The following COL5A2 variants were observed in gnomAD, a reference collection of about 807,000 sequenced individuals.
COL5A2 encodes the protein collagen alpha-2(V) chain.
Under a neutral mutation model 208.2 loss-of-function variants are expected in COL5A2, and 23 were observed. The ratio of observed to expected loss-of-function variants is 0.11; its 90% CI spans 0.08 to 0.16. The LOEUF (loss-of-function observed/expected upper bound fraction) is 0.16. Ranked by LOEUF, COL5A2 falls within the 10% of genes least tolerant of loss-of-function variation. The pLI is 1.00. For missense variants in COL5A2, 1,590 were observed against 1,956.4 expected (o/e 0.81, Z 3.53); for synonymous variants, 625 against 628.5 (o/e 0.99, Z 0.08).
the COL5A2 span, among the ~76,000 whole-genome samples, chr2:189,337,243 C>T: frequency 6.8e-6 from 1 of 146,274 alleles, no homozygotes; most frequent in Non-Finnish European, 1.5e-5. Context: ...AGTGCAGTGG[C>T]GGGATCTCGG....
chr2:189,194,684 A>G (rs543000571), intron 1 of COL5A2, among the ~76,000 whole-genome samples: 1 of 152,190 alleles, frequency 6.6e-6, no homozygotes, highest in Non-Finnish European at 1.5e-5. Flanking sequence ...CTGGATTTCA[A>G]TGGGAATGCT....
the COL5A2 span, among the ~76,000 whole-genome samples, chr2:189,357,433 G>C: frequency 6.6e-6 from 1 of 152,118 alleles, no homozygotes; most frequent in South Asian, 2.1e-4. Context: ...GGAATCTAGA[G>C]AGGCAGTCTG....
chr2:189,271,877 G>C, the COL5A2 span, among the ~76,000 whole-genome samples: 1 of 152,180 alleles, frequency 6.6e-6, no homozygotes, highest in Admixed American at 6.5e-5. Flanking sequence ...CTCAAAAGAA[G>C]ACATTTATGT....
rs1234716349 is a variant in COL5A2, at chr2:189,066,439, G to A, written c.1514C>T (p.Pro505Leu). 5.6e-6 allele frequency: 9 copies of A among 1,614,086 alleles called. No homozygotes were observed. The Admixed American group carries it at 1.3e-4, about 24-fold the overall frequency. Residue 505 changes from proline to leucine, a missense_variant, in exon 23 of 54, where the codon CCC becomes CTC. By Grantham distance (98) the Pro-to-Leu change is moderately conservative. Coordinates refer to ENST00000374866, the MANE Select transcript of COL5A2 (RefSeq NM_000393.5). ...ACCAACTGTTCCTGGGTCACCTCTG[G>A]GACCTCTTTTGCCTTCTTCACCGGG... ...GPPGEEGKRG[P>L]RGDPGTVGPP... is the part of the protein sequence containing the mutation.
chr2:189,411,376 A>G, the COL5A2 span, among the ~76,000 whole-genome samples: 2 of 152,184 alleles, frequency 1.3e-5, no homozygotes, highest in Admixed American at 1.3e-4. Flanking sequence ...TTATTCTAGC[A>G]CAATACCTGA....
the COL5A2 span, among the ~76,000 whole-genome samples, chr2:189,284,319 C>T: frequency 6.6e-6 from 1 of 152,082 alleles, no homozygotes; most frequent in Non-Finnish European, 1.5e-5. Flanking sequence ...CGATCAAGAA[C>T]TACCTAAGAC....
the COL5A2 span, among the ~76,000 whole-genome samples, chr2:189,346,719 G>T: frequency 6.6e-6 from 1 of 152,152 alleles, no homozygotes; most frequent in Non-Finnish European, 1.5e-5. Context: ...GGTTGAATAA[G>T]TAAAGTCACA....
chr2:189,140,429 C>T (rs1485476922), intron 1 of COL5A2, among the ~76,000 whole-genome samples: 2 of 152,066 alleles, frequency 1.3e-5, no homozygotes, highest in Non-Finnish European at 1.5e-5. Context: ...CCTGGAGGCA[C>T]ATTTGGCATT....
At chr2:189,072,842 T>C (rs1300379670) in intron 17 of COL5A2, among the ~76,000 whole-genome samples, 5 of 151,708 alleles carry the variant, frequency 3.3e-5, no homozygotes, top group Non-Finnish European at 5.9e-5. Context: ...TTATGGATAT[T>C]TATATTACCC....
chr2:189,249,525 C>T, the COL5A2 span, among the ~76,000 whole-genome samples: 1 of 152,040 alleles, frequency 6.6e-6, no homozygotes, highest in Non-Finnish European at 1.5e-5. Context: ...CAATTTTATT[C>T]CAGAGTTCCA....
At chr2:189,261,977 A>G in the COL5A2 span, among the ~76,000 whole-genome samples, 1 of 152,178 alleles carries the variant, frequency 6.6e-6, no homozygotes, top group Non-Finnish European at 1.5e-5. Context: ...TAGTTATGGC[A>G]ATCTTGATGA....
intron 52 of COL5A2, among the ~76,000 whole-genome samples, chr2:189,035,980 T>C (rs1325762915): frequency 6.6e-6 from 1 of 152,076 alleles, no homozygotes; most frequent in African/African-American, 2.4e-5. Flanking sequence ...TCAATTGACT[T>C]CATAACATTA....
intron 1 of COL5A2, among the ~76,000 whole-genome samples, chr2:189,178,644 A>G (rs1192481877): frequency 2.0e-5 from 3 of 151,554 alleles, no homozygotes; most frequent in Admixed American, 6.6e-5. Flanking sequence ...CATACCATAT[A>G]ACCCAACTGT....
rs909634945 is a variant in COL5A2, at chr2:189,050,586, C to T, written c.3022G>A (p.Gly1008Ser). ...CTACTCACCGCTGGGCCTGGTAGGC[C>T]GGGCATGCCTCTCTCTCCACGTTGC... Reference protein sequence around the residue: ...PGQRGERGMPGLPGPAGTPGK... With the variant: ...PGQRGERGMPSLPGPAGTPGK... Residue 1008 changes from glycine (G) to serine (S), a missense_variant, in exon 43 of 54, where the codon GGC becomes AGC. Physicochemically the swap from Gly to Ser is moderately conservative, Grantham distance 56. Coordinates refer to ENST00000374866, the MANE Select transcript of COL5A2 (RefSeq NM_000393.5). 1.3e-5 allele frequency: 20 copies of T among 1,551,470 alleles called. 1 individual carries two copies. The highest frequency in any genetic ancestry group is 1.2e-4 in the Admixed American group (6 of 51,014).
At chr2:189,104,357 T>C (rs1576529626) in intron 2 of COL5A2, 80 bp from the exon 3 acceptor site, 3 of 1,003,890 alleles carry the variant, frequency 3.0e-6, no homozygotes, top group Admixed American at 1.7e-5. Context: ...CTTTCAATAA[T>C]AGATTTCTTC....
At chr2:189,080,895 G>A (rs1686519145) in intron 13 of COL5A2, 95 bp downstream of exon 13, 2 of 1,043,150 alleles carry the variant, frequency 1.9e-6, no homozygotes, top group Non-Finnish European at 3.0e-6. Flanking sequence ...AAGGACAATT[G>A]ACAAATTGAC....
intron 17 of COL5A2, among the ~76,000 whole-genome samples, chr2:189,073,796 A>C (rs1345056504): frequency 6.6e-6 from 1 of 152,192 alleles, no homozygotes; most frequent in Non-Finnish European, 1.5e-5. Context: ...AAGTTCAGAA[A>C]ATAACTTTAT....
chr2:189,167,664 A>ATTTTTT (rs71020984), intron 1 of COL5A2, among the ~76,000 whole-genome samples: 5 of 140,132 alleles, frequency 3.6e-5, no homozygotes, highest in African/African-American at 1.3e-4. Flanking sequence ...GAAAGAAGTG[A>ATTTTTT]TTTTTTTTTT....
chr2:189,184,550 C>G (rs74595303), upstream of COL5A2, among the ~76,000 whole-genome samples: 8,881 of 152,216 alleles, frequency 0.058, 418 homozygotes, highest in African/African-American at 0.13. Flanking sequence ...AAGTTACCTG[C>G]ATTCCTTGTT....
Sources: gnomAD v4.1 joint callset for allele counts (sites outside exome capture counted in the v4.1 genomes callset) on GRCh38, gnomAD v4.1.1 for gene constraint, MANE v1.5 for transcripts, NCBI Gene and HGNC (gene_info 2026-07-23, HGNC 2026-07-21) for gene names.